PTH1R: variants seen among roughly 807,000 people sequenced by gnomAD.
PTH1R encodes the protein parathyroid hormone/parathyroid hormone-related peptide receptor.
Under a neutral mutation model 70.7 loss-of-function variants are expected in PTH1R, and 32 were observed. The observed-to-expected ratio is 0.45, with a 90% CI of 0.34 to 0.61. The LOEUF (loss-of-function observed/expected upper bound fraction) is 0.61, where lower values mean the gene tolerates loss of function less well. Ranked by LOEUF, PTH1R falls within the 20% of genes least tolerant of loss-of-function variation. The pLI is 0.01. For synonymous variants in PTH1R, 329 were observed against 324.8 expected, an observed-to-expected ratio of 1.01 and a Z score of -0.14; for missense variants, 626 against 792.5, an observed-to-expected ratio of 0.79 and a Z score of 2.52.
chr3:46,895,063 C>CA (rs66702283), intron 4 of PTH1R, among the ~76,000 whole-genome samples: 6,214 of 52,058 alleles, frequency 0.12, 544 homozygotes, highest in African/African-American at 0.23. Flanking sequence ...GACCTTGTCT[C>CA]AAAAAAAAAA....
chr3:46,903,612 C>T lies in PTH1R; in HGVS notation c.1738C>T (p.Arg580Trp), dbSNP rs139381461. 3.7e-5 allele frequency: 59 copies of T among 1,612,676 alleles called. No individual in the cohort carries two copies. Among genetic ancestry groups the T allele is most frequent in the Middle Eastern group, 1.6e-4 (1 of 6,084 alleles). The change falls in exon 16 of 16, where the codon CGG becomes TGG. Residue 580 changes from arginine to tryptophan, a missense_variant. Coordinates refer to ENST00000449590, the MANE Select transcript of PTH1R (RefSeq NM_000316.3). This position sits in a 1 kb window ranked among gnomAD's most constrained non-coding sequence, Gnocchi z 4.4. The part of the protein sequence containing the change: ...GLDEEASGPE[R>W]PPALLQEEWE... ...GGACGAGGAGGCCTCTGGGCCTGAG[C>T]GGCCACCTGCCCTGCTACAGGAAGA... is the stretch of plus-strand genomic sequence containing the variant.
At position 46,892,884 on chromosome 3, in the gene PTH1R, A is replaced by T. The variant is rs941732688; in HGVS notation, c.76-1023A>T. 1 of 855,068 alleles carries T rather than the reference A, an allele frequency of 1.2e-6. No individual in the cohort carries two copies. Among genetic ancestry groups the T allele is most frequent in the East Asian group, 1.2e-4 (1 of 8,242 alleles). The allele number at this position is 855,068 out of a possible 1,614,324, so 53.0% of individuals were successfully genotyped here. ...GGGGTCTGAGGAAACACGACCCTGAATTAAGAGGGATGGGGCTGAGGGCTT... is the reference window on the plus strand; with the variant it reads ...GGGGTCTGAGGAAACACGACCCTGATTTAAGAGGGATGGGGCTGAGGGCTT... On this transcript the variant is annotated intron_variant, in intron 3 of 15. Coordinates refer to ENST00000449590, the MANE Select transcript of PTH1R (RefSeq NM_000316.3). The surrounding 1 kb of genome is among the most constrained non-coding windows in gnomAD (Gnocchi z 5.2).
chr3:46,885,056 GA>G (rs1184953724), intron 3 of PTH1R, among the ~76,000 whole-genome samples: 1 of 152,194 alleles, frequency 6.6e-6, no homozygotes, highest in East Asian at 1.9e-4. Context: ...AATGCCAGGG[GA>G]TAGAACTACC....
chr3:46,900,284 G>A (rs1480646290), intron 10 of PTH1R, among the ~76,000 whole-genome samples: 1 of 152,234 alleles, frequency 6.6e-6, no homozygotes, highest in Non-Finnish European at 1.5e-5. Context: ...CTGGGGCTAG[G>A]AGGTGTCCTA....
At position 46,901,283 on chromosome 3, in the gene PTH1R, C is replaced by G. The variant is rs1164921447; in HGVS notation, c.1050-131C>G. On this transcript the variant is annotated intron_variant, in intron 11 of 15. Coordinates refer to ENST00000449590, the MANE Select transcript of PTH1R (RefSeq NM_000316.3). This position sits in a 1 kb window ranked among gnomAD's most constrained non-coding sequence, Gnocchi z 7.3. ...AGAGGCCTGTGAGGGAGGCCTCAGGCCTGGCCACACCCAGCACCCCTGCCC... is the reference window on the plus strand; with the variant it reads ...AGAGGCCTGTGAGGGAGGCCTCAGGGCTGGCCACACCCAGCACCCCTGCCC... 5.3e-6 allele frequency: 7 copies of G among 1,309,866 alleles called. No individual in the cohort carries two copies. The African/African-American group carries it at 5.9e-5, about 11-fold the overall frequency. 81.1% of individuals were successfully genotyped at this position (1,309,866 alleles called of 1,614,324 possible).
At position 46,901,540 on chromosome 3, in the gene PTH1R, G is replaced by C; in HGVS notation, c.1116+60G>C. On this transcript the variant is annotated intron_variant, in intron 12 of 15. Coordinates refer to ENST00000449590, the MANE Select transcript of PTH1R (RefSeq NM_000316.3). This position sits in a 1 kb window ranked among gnomAD's most constrained non-coding sequence, Gnocchi z 7.3. ...GTGGGATGTGCGCCTGCGTCCCCTG[G>C]AACCAGCCCCTGACAGGGACCTAGG... is the stretch of plus-strand genomic sequence containing the variant. 6.5e-7 allele frequency: 1 copy of C among 1,538,952 alleles called. No homozygotes were observed. The highest frequency in any genetic ancestry group is 2.4e-5 in the East Asian group (1 of 40,910).
At chr3:46,895,132 A>T (rs2107018596) in intron 4 of PTH1R, among the ~76,000 whole-genome samples, 1 of 149,424 alleles carries the variant, frequency 6.7e-6, no homozygotes, top group African/African-American at 2.4e-5. Context: ...ATGAGAAGAG[A>T]GGCCAGGCTC....
Position 46,899,266 on chromosome 3 carries a change from G to C in PTH1R, c.835-37G>C, listed in dbSNP as rs1177613863. Reference sequence around the variant, plus strand: ...GCCCAGCCCTGACTTCCCGGAGGCAGGCCCTGCCCTCTGACTAACACCAGC... The same window carrying C: ...GCCCAGCCCTGACTTCCCGGAGGCACGCCCTGCCCTCTGACTAACACCAGC... On this transcript the variant is annotated intron_variant, in intron 9 of 15. Transcript: ENST00000449590. 5.6e-6 allele frequency: 9 copies of C among 1,613,218 alleles called. No homozygotes were observed. The South Asian group carries it at 9.9e-5, about 18-fold the overall frequency.
intron 3 of PTH1R, among the ~76,000 whole-genome samples, chr3:46,886,448 C>T (rs1198374545): frequency 6.6e-6 from 1 of 152,162 alleles, no homozygotes; most frequent in Non-Finnish European, 1.5e-5. Context: ...AGCTCTGCCT[C>T]CCGGGTTCAC....
At chr3:46,889,444 A>G (rs764023812) in intron 3 of PTH1R, among the ~76,000 whole-genome samples, 7 of 152,100 alleles carry the variant, frequency 4.6e-5, no homozygotes, top group Non-Finnish European at 1.0e-4. Context: ...GTGGCTGGGC[A>G]CTTCCTCCTC....
Position 46,901,475 on chromosome 3 carries a change from A to G in PTH1R, c.1111A>G (p.Ile371Val). The change falls in exon 12 of 16, where the codon ATT (isoleucine) becomes GTT (valine). Residue 371 changes from isoleucine to valine, a missense_variant. Around this residue, in one of 3 missense-constraint regions of PTH1R, gnomAD observed 495 missense variants for 638.7 expected, o/e 0.77. Transcript: ENST00000449590. The surrounding 1 kb of genome is among the most constrained non-coding windows in gnomAD (Gnocchi z 7.3). ...WIIQVPILAS[I>V]VLNFILFINI... ...CATCCAGGTGCCCATCCTGGCCTCCATTGTGGTGAGCAGGGGTGGGCTGCT... is the reference window on the plus strand; with the variant it reads ...CATCCAGGTGCCCATCCTGGCCTCCGTTGTGGTGAGCAGGGGTGGGCTGCT... 3 of 1,564,122 alleles carry G rather than the reference A, an allele frequency of 1.9e-6. No homozygotes were observed. The highest frequency in any genetic ancestry group is 2.6e-6 in the Non-Finnish European group (3 of 1,153,136).
At position 46,882,774 on chromosome 3, in the gene PTH1R, G is replaced by C. The variant is rs2030697455; in HGVS notation, c.-48-738G>C. Among the ~76,000 whole-genome samples, 1 of 152,124 alleles carries C rather than the reference G, an allele frequency of 6.6e-6. No individual in the cohort carries two copies. The highest frequency in any genetic ancestry group is 2.4e-5 in the African/African-American group (1 of 41,428). On this transcript the variant is annotated intron_variant, in intron 2 of 15. Transcript: ENST00000449590. The surrounding 1 kb of genome is among the most constrained non-coding windows in gnomAD (Gnocchi z 4.3). ...AGACGGACTGACAGACAGGCAGACCGACAGAGCGTCGGGGCCGCTGCGCGC... is the reference window on the plus strand; with the variant it reads ...AGACGGACTGACAGACAGGCAGACCCACAGAGCGTCGGGGCCGCTGCGCGC...
In PTH1R at chr3:46,903,308, A is replaced by C. The variant is rs757107998; in HGVS notation, c.1434A>C (p.Thr478=). 2.5e-6 allele frequency: 4 copies of C among 1,613,320 alleles called. No homozygotes were observed. The highest frequency in any genetic ancestry group is 1.7e-6 in the Non-Finnish European group (2 of 1,180,020). The change falls in exon 16 of 16, where the codon ACA becomes ACC. Residue 478 remains threonine (T), a synonymous_variant. Coordinates refer to ENST00000449590, the MANE Select transcript of PTH1R (RefSeq NM_000316.3). The surrounding 1 kb of genome is among the most constrained non-coding windows in gnomAD (Gnocchi z 4.4). The stretch of plus-strand genomic sequence containing the variant: ...TCAAGAAATCTTGGAGCCGCTGGAC[A>C]CTGGCACTGGACTTCAAGCGAAAGG... ...AEIKKSWSRW[T]LALDFKRKAR... is the part of the protein sequence containing the mutation.
In PTH1R at chr3:46,893,866, G is replaced by A. The variant is rs751271181; in HGVS notation, c.76-41G>A. The A allele has an allele frequency of 1.1e-5, 18 of 1,594,314 alleles. No homozygotes were observed. Among genetic ancestry groups the A allele is most frequent in the African/African-American group, 8.0e-5 (6 of 74,612 alleles). On this transcript the variant is annotated intron_variant, in intron 3 of 15. Coordinates refer to ENST00000449590, the MANE Select transcript of PTH1R (RefSeq NM_000316.3). This position sits in a 1 kb window ranked among gnomAD's most constrained non-coding sequence, Gnocchi z 5.2. Reference sequence around the variant, plus strand: ...GGATGTCTCTGGGACCTGCTGCTGCGCCGGAAAGTCCTGCCTGTGGTCTGA... The same window carrying A: ...GGATGTCTCTGGGACCTGCTGCTGCACCGGAAAGTCCTGCCTGTGGTCTGA...
Position 46,883,031 on chromosome 3 carries a change from A to G in PTH1R, c.-48-481A>G, listed in dbSNP as rs1235007757. Among the ~76,000 whole-genome samples, 1 of 151,542 alleles carries G rather than the reference A, an allele frequency of 6.6e-6. No homozygotes were observed. The highest frequency in any genetic ancestry group is 1.5e-5 in the Non-Finnish European group (1 of 67,822). ...TGACTCCCTACGCCGAAAGTCGCGG[A>G]GCTAAAAATAACAGTCCTGCGCGCC... On this transcript the variant is annotated intron_variant, in intron 2 of 15. Transcript: ENST00000449590. The surrounding 1 kb of genome is among the most constrained non-coding windows in gnomAD (Gnocchi z 6.4).
rs925049874 is a variant in PTH1R, at chr3:46,902,451, G to A, written c.1212-75G>A. On this transcript the variant is annotated intron_variant, in intron 13 of 15. Coordinates refer to ENST00000449590, the MANE Select transcript of PTH1R (RefSeq NM_000316.3). The surrounding 1 kb of genome is among the most constrained non-coding windows in gnomAD (Gnocchi z 5.4). ...TTTGAGCTTCCGGAGCCTGGGGCTC[G>A]CAGGGTGGGGGGTGGCACAATGCTT... 59 of 1,576,690 alleles carry A rather than the reference G, an allele frequency of 3.7e-5. No individual in the cohort carries two copies. The highest frequency in any genetic ancestry group is 1.5e-4 in the South Asian group (13 of 86,646).
intron 4 of PTH1R, 83 bp from the exon 5 acceptor site, chr3:46,895,652 G>A: frequency 1.2e-6 from 2 of 1,606,228 alleles, no homozygotes; most frequent in South Asian, 1.1e-5. Context: ...ATTGTACAAA[G>A]GGGGAGTCTG....
At chr3:46,900,638 G>A (rs1340663042) in intron 10 of PTH1R, among the ~76,000 whole-genome samples, 2 of 151,844 alleles carry the variant, frequency 1.3e-5, no homozygotes, top group Non-Finnish European at 2.9e-5. Flanking sequence ...GTGCTGTGCT[G>A]GGGCAAAAAA....
rs2030760752 is a variant in PTH1R at position 46,883,273 on chromosome 3, C to A, written c.-48-239C>A. On this transcript the variant is annotated intron_variant, in intron 2 of 15. Transcript: ENST00000449590. The surrounding 1 kb of genome is among the most constrained non-coding windows in gnomAD (Gnocchi z 6.4). The stretch of plus-strand genomic sequence containing the variant: ...TCGCTCCGAGGCAGACGGGCCGCTC[C>A]GCAGCGCTCGGCGCCCGCCCGCCGC... 1 of 274,602 alleles carries A rather than the reference C, an allele frequency of 3.6e-6. No individual in the cohort carries two copies. Among genetic ancestry groups the A allele is most frequent in the South Asian group, 1.7e-4 (1 of 6,048 alleles). 17.0% of individuals were successfully genotyped at this position (274,602 alleles called of 1,614,324 possible).
Sources: gnomAD v4.1 joint callset for allele counts (sites outside exome capture counted in the v4.1 genomes callset) on GRCh38, gnomAD v4.1.1 for gene constraint, gnomAD v4.1.1 regional missense constraint, Gnocchi (gnomAD v3.1) non-coding constraint, MANE v1.5 for transcripts, NCBI Gene and HGNC (gene_info 2026-07-23, HGNC 2026-07-21) for gene names.